The following TSHZ3 variants were observed in gnomAD, a reference collection of about 807,000 sequenced individuals.
TSHZ3 encodes the protein teashirt homolog 3.
In TSHZ3, 10 loss-of-function variants were observed where a neutral mutation model predicts 64.5. That is an observed-to-expected ratio of 0.16 (90% CI 0.10 to 0.26). The LOEUF (loss-of-function observed/expected upper bound fraction) is 0.26. Among genes scored for constraint, TSHZ3 ranks in the 10% least tolerant of loss-of-function variants. The pLI, the probability that TSHZ3 is intolerant of heterozygous loss-of-function variation, is 1.00. For synonymous variants in TSHZ3, 608 were observed against 593.1 expected (o/e 1.03, Z -0.36); for missense variants, 1,242 against 1,421.7 (o/e 0.87, Z 2.03).
At chr19:31,284,781 C>T (rs753081015) in intron 1 of TSHZ3, among the ~76,000 whole-genome samples, 11 of 152,156 alleles carry the variant, frequency 7.2e-5, no homozygotes, top group South Asian at 2.1e-4. Context: ...GTGGTCAGGA[C>T]GAGACCCCAC....
At chr19:31,193,307 C>A (rs982529917) in intron 5 of TSHZ3, among the ~76,000 whole-genome samples, 2 of 152,132 alleles carry the variant, frequency 1.3e-5, no homozygotes, top group African/African-American at 4.8e-5. Flanking sequence ...AGGAAGCAGT[C>A]TCTGTCAGTA....
intron 1 of TSHZ3, among the ~76,000 whole-genome samples, chr19:31,341,603 G>A (rs954700761): frequency 1.4e-5 from 2 of 144,996 alleles, no homozygotes; most frequent in Admixed American, 1.4e-4. Context: ...CTGCTAGCAT[G>A]CACTCACTCT....
chr19:31,216,126 T>C (rs1019200332), intron 4 of TSHZ3, among the ~76,000 whole-genome samples: 2 of 152,150 alleles, frequency 1.3e-5, no homozygotes, highest in Non-Finnish European at 2.9e-5. Context: ...AGAACATCAA[T>C]GGTATAAGTG....
At chr19:31,195,635 G>T (rs1974978175) in intron 5 of TSHZ3, 1 of 151,840 alleles carries the variant, frequency 6.6e-6, no homozygotes, top group Non-Finnish European at 1.5e-5. Flanking sequence ...AGAGAGCAGG[G>T]AAATTCTATA....
rs973161470 is a variant in TSHZ3, at chr19:31,152,288, G to A, written n.872-544C>T. 1.4e-3 allele frequency among the ~76,000 whole-genome samples: 208 copies of A among 144,192 alleles called. 3 individuals are homozygous for A. The highest frequency in any genetic ancestry group is 5.3e-3 in the African/African-American group (191 of 35,792). 94.6% of individuals were successfully genotyped at this position (144,192 alleles called of 152,430 possible). A position where few individuals can be genotyped will look rare whatever the true frequency, so the allele number is the denominator to read the frequency against. On this transcript the variant is annotated intron_variant and non_coding_transcript_variant, in intron 6 of 6. Coordinates refer to the TSHZ3 transcript ENST00000651361. ...ATAACATGTGTATATGTGAGCGTGT[G>A]TGTGTGTGTGTGTGTGTGTGCATGT... is the stretch of plus-strand genomic sequence containing the variant.
intron 1 of TSHZ3, among the ~76,000 whole-genome samples, chr19:31,245,409 A>G (rs1282851228): frequency 6.6e-6 from 1 of 152,236 alleles, no homozygotes; most frequent in Non-Finnish European, 1.5e-5. Context: ...ACTAGGAAAC[A>G]AGAAGCTGCT....
rs1014425316 is a variant in TSHZ3, at chr19:31,290,127, T to C, written c.41-10375A>G. On this transcript the variant is annotated intron_variant, in intron 1 of 1. Coordinates refer to ENST00000240587, the MANE Select transcript of TSHZ3 (RefSeq NM_020856.4). ...CGCCACCCGATTTAGGGCCTAGAGC[T>C]ATCCCCAGATGTCCTGAGGTCCCAC... is the stretch of plus-strand genomic sequence containing the variant. Among the ~76,000 whole-genome samples the C allele has an allele frequency of 6.6e-5, 10 of 152,264 alleles. No homozygotes were observed. In the East Asian group the frequency reaches 2.0e-3, roughly 30 times the overall value.
chr19:31,296,807 T>C (rs918965527), intron 1 of TSHZ3, among the ~76,000 whole-genome samples: 1 of 152,160 alleles, frequency 6.6e-6, no homozygotes, highest in Non-Finnish European at 1.5e-5. Flanking sequence ...GTTCTGGCAC[T>C]GGGGGTCAGT....
Position 31,187,397 on chromosome 19 carries a change from G to A in TSHZ3, n.809+17559C>T, listed in dbSNP as rs962853929. ...GCATTGTACCAATTCACGTTTAATC[G>A]TGTTTTTTTTTTTAATAAGCAGAAG... On this transcript the variant is annotated intron_variant and non_coding_transcript_variant, in intron 5 of 6. Transcript: ENST00000651361. 1.1e-3 allele frequency among the ~76,000 whole-genome samples: 82 copies of A among 75,470 alleles called. 2 individuals are homozygous for A. Among genetic ancestry groups the A allele is most frequent in the South Asian group, 5.5e-3 (13 of 2,384 alleles). 49.5% of individuals were successfully genotyped at this position (75,470 alleles called of 152,430 possible).
chr19:31,234,224 C>A (rs1346992248), intron 3 of TSHZ3, among the ~76,000 whole-genome samples: 2 of 152,110 alleles, frequency 1.3e-5, no homozygotes, highest in African/African-American at 4.8e-5. Flanking sequence ...ATCTTGTATT[C>A]TGTGACGTTG....
intron 5 of TSHZ3, among the ~76,000 whole-genome samples, chr19:31,203,375 T>A (rs909511553): frequency 1.3e-5 from 2 of 152,096 alleles, no homozygotes. Context: ...GGATATGGAC[T>A]TTTTCCCAGA....
At chr19:31,198,581 G>A (rs1975027000) in intron 5 of TSHZ3, among the ~76,000 whole-genome samples, 1 of 152,080 alleles carries the variant, frequency 6.6e-6, no homozygotes, top group African/African-American at 2.4e-5. Context: ...TTATACCAAG[G>A]TTGCAGGATA....
At chr19:31,350,258 G>T (rs1039867144), upstream of TSHZ3, among the ~76,000 whole-genome samples, 9 of 149,078 alleles carry the variant, frequency 6.0e-5, no homozygotes, top group Admixed American at 4.0e-4. Context: ...CAGACCCCGC[G>T]CCACCCAGCT....
intron 1 of TSHZ3, among the ~76,000 whole-genome samples, chr19:31,298,979 G>A (rs1039113563): frequency 5.3e-5 from 8 of 152,212 alleles, no homozygotes; most frequent in Non-Finnish European, 7.3e-5. Context: ...TGGACCACCT[G>A]AGGTTAGGAG....
At chr19:31,310,345 C>T (rs1277906179) in intron 1 of TSHZ3, among the ~76,000 whole-genome samples, 1 of 152,026 alleles carries the variant, frequency 6.6e-6, no homozygotes, top group Non-Finnish European at 1.5e-5. Context: ...CTTCATCTTC[C>T]TAGGAAGATG....
At chr19:31,194,757 T>C (rs1445062843) in intron 5 of TSHZ3, among the ~76,000 whole-genome samples, 1 of 152,174 alleles carries the variant, frequency 6.6e-6, no homozygotes, top group Non-Finnish European at 1.5e-5. Flanking sequence ...GACTCAGATA[T>C]GACAGAAATG....
Position 31,277,300 on chromosome 19 carries a change from TAC to T in TSHZ3, c.2491_2492del (p.Val831IlefsTer42). 6.2e-7 allele frequency: 1 copy of T among 1,613,604 alleles called. No homozygotes were observed. The highest frequency in any genetic ancestry group is 8.5e-7 in the Non-Finnish European group (1 of 1,179,490). On this transcript the variant is annotated frameshift_variant, in exon 2 of 2. Transcript: ENST00000240587. LOFTEE classifies it high-confidence loss of function. The surrounding 1 kb of genome is among the most constrained non-coding windows in gnomAD (Gnocchi z 4.5). ...GTAGCGGCGAGTTTGACATGAATGA[TAC>T]GACGGCAGATGTCTTTGCCGTTGTC... ...TVTTAKTSAV[V>X]SFMSNSPLRE...
At chr19:31,236,895 T>A (rs1161943844) in intron 3 of TSHZ3, among the ~76,000 whole-genome samples, 1 of 152,198 alleles carries the variant, frequency 6.6e-6, no homozygotes, top group East Asian at 1.9e-4. Flanking sequence ...AGGCCTGTAA[T>A]CCCAGCACTT....
chr19:31,195,418 C>T (rs922990945), intron 5 of TSHZ3, among the ~76,000 whole-genome samples: 2 of 151,968 alleles, frequency 1.3e-5, no homozygotes, highest in African/African-American at 4.8e-5. Flanking sequence ...TTAAACTATG[C>T]CAGCAAGAAG....
Sources: allele counts gnomAD v4.1 joint callset (sites outside exome capture counted in the v4.1 genomes callset), GRCh38; gene constraint gnomAD v4.1.1; non-coding constraint Gnocchi (gnomAD v3.1); transcripts MANE v1.5; gene names NCBI Gene and HGNC (gene_info 2026-07-23, HGNC 2026-07-21).